PRDM5: variants seen among roughly 807,000 people sequenced by gnomAD.
PRDM5 encodes PR domain zinc finger protein 5.
In PRDM5, 56 loss-of-function variants were observed where a neutral mutation model predicts 81.2. That is an observed-to-expected ratio of 0.69 (90% CI 0.56 to 0.86). The LOEUF (loss-of-function observed/expected upper bound fraction) is 0.86. Among genes scored for constraint, PRDM5 ranks in the 40% least tolerant of loss-of-function variants. PRDM5 has a pLI of 0.00. For synonymous variants in PRDM5, 267 were observed against 256.4 expected (o/e 1.04, Z -0.39); for missense variants, 697 against 770.1 (o/e 0.91, Z 1.12).
chr4:120,708,547 G>T, intron 15 of PRDM5, among the ~76,000 whole-genome samples: 1 of 152,016 alleles, frequency 6.6e-6, no homozygotes, highest in Non-Finnish European at 1.5e-5. Flanking sequence ...AAAATATTTT[G>T]GAGTTAGAGA....
intron 7 of PRDM5, among the ~76,000 whole-genome samples, chr4:120,812,357 C>T (rs1240843447): frequency 6.6e-6 from 1 of 152,054 alleles, no homozygotes; most frequent in South Asian, 2.1e-4. Flanking sequence ...CATACCATTA[C>T]CCAAAGAGGC....
chr4:120,841,725 C>T (rs767968442), intron 3 of PRDM5, among the ~76,000 whole-genome samples: 3 of 152,154 alleles, frequency 2.0e-5, no homozygotes, highest in South Asian at 2.1e-4. Flanking sequence ...CACACACCCA[C>T]GCACTCACAC....
Position 120,703,502 on chromosome 4 carries a change from T to G in PRDM5, c.1728+6807A>C, listed in dbSNP as rs78987478. Among the ~76,000 whole-genome samples, 13 of 152,198 alleles carry G rather than the reference T, an allele frequency of 8.5e-5. No homozygotes were observed. In the East Asian group the frequency reaches 1.9e-3, roughly 23 times the overall value. On this transcript the variant is annotated intron_variant, in intron 15 of 15. Transcript: ENST00000264808. The stretch of plus-strand genomic sequence containing the variant: ...ACCATGCCTGGTCTCATGTATTTGT[T>G]TAATGCTATACTCTACAAGAATGTG...
chr4:120,698,098 A>G (rs11731617), intron 15 of PRDM5, among the ~76,000 whole-genome samples: 24,078 of 152,144 alleles, frequency 0.16, 2,432 homozygotes, highest in Non-Finnish European at 0.24. Flanking sequence ...CATTTTTATA[A>G]CCAGAAAGCA....
chr4:120,880,401 T>C (rs1458265418), intron 2 of PRDM5, among the ~76,000 whole-genome samples: 1 of 152,176 alleles, frequency 6.6e-6, no homozygotes, highest in Non-Finnish European at 1.5e-5. Flanking sequence ...CCAACAGACA[T>C]ATAATGTAAA....
chr4:120,779,007 T>C (rs1384432975), intron 12 of PRDM5, among the ~76,000 whole-genome samples: 4 of 152,262 alleles, frequency 2.6e-5, no homozygotes, highest in East Asian at 3.9e-4. Context: ...CACTGAATTA[T>C]TCCAAACAGA....
At chr4:120,790,411 A>C (rs1750396411) in intron 10 of PRDM5, among the ~76,000 whole-genome samples, 2 of 152,146 alleles carry the variant, frequency 1.3e-5, no homozygotes, top group Non-Finnish European at 1.5e-5. Context: ...GTACAGGAGA[A>C]TTTTCTGCAT....
chr4:120,862,644 T>C (rs546631096), intron 2 of PRDM5, among the ~76,000 whole-genome samples: 93 of 152,318 alleles, frequency 6.1e-4, no homozygotes, highest in African/African-American at 2.1e-3. Flanking sequence ...TCCCTGTCAA[T>C]AGTTAACATA....
At chr4:120,774,254 T>G (rs1440731374) in intron 13 of PRDM5, among the ~76,000 whole-genome samples, 1 of 152,196 alleles carries the variant, frequency 6.6e-6, no homozygotes, top group African/African-American at 2.4e-5. Context: ...GCCACTTCAT[T>G]GTGTCCTCCC....
At chr4:120,902,105 A>G (rs1765291103) in intron 2 of PRDM5, among the ~76,000 whole-genome samples, 1 of 152,222 alleles carries the variant, frequency 6.6e-6, no homozygotes, top group African/African-American at 2.4e-5. Flanking sequence ...CCAGAGAATC[A>G]CTTTTGAAAT....
chr4:120,797,639 G>A (rs1283440228), intron 10 of PRDM5, among the ~76,000 whole-genome samples: 1 of 152,184 alleles, frequency 6.6e-6, no homozygotes, highest in Non-Finnish European at 1.5e-5. Flanking sequence ...GCTATCTTGG[G>A]CAAAGAGAAT....
intron 13 of PRDM5, among the ~76,000 whole-genome samples, chr4:120,755,854 C>T (rs76491002): frequency 0.018 from 2,765 of 152,224 alleles, 35 homozygotes; most frequent in Middle Eastern, 0.031. Flanking sequence ...CCCTGCCAAG[C>T]GACATTTTCC....
rs1734186083 is a variant in PRDM5 at position 120,693,166 on chromosome 4, C to T, written c.*1945G>A. 1 of 151,966 alleles carries T rather than the reference C, an allele frequency of 6.6e-6. No homozygotes were observed. The highest frequency in any genetic ancestry group is 2.1e-4 in the South Asian group (1 of 4,810). The allele number at this position is 151,966 out of a possible 1,614,324, so 9.4% of individuals were successfully genotyped here. Reference sequence around the variant, plus strand: ...ACACCACAGTTTTCAGGGTAATTTCCCCAGCAGCCATGTGAACTGTGACTC... The same window carrying T: ...ACACCACAGTTTTCAGGGTAATTTCTCCAGCAGCCATGTGAACTGTGACTC... On this transcript the variant is annotated 3_prime_UTR_variant, in exon 16 of 16. Coordinates refer to ENST00000264808, the MANE Select transcript of PRDM5 (RefSeq NM_018699.4).
At chr4:120,703,180 T>C (rs2149005632) in intron 15 of PRDM5, among the ~76,000 whole-genome samples, 1 of 152,246 alleles carries the variant, frequency 6.6e-6, no homozygotes, top group South Asian at 2.1e-4. Flanking sequence ...ATTTTGTTTT[T>C]TGTTTTGTTT....
At chr4:120,772,049 C>A (rs374619045) in intron 13 of PRDM5, among the ~76,000 whole-genome samples, 5 of 152,072 alleles carry the variant, frequency 3.3e-5, no homozygotes, top group East Asian at 1.9e-4. Context: ...TGGCAGGGGG[C>A]TAGGGTTTGA....
chr4:120,777,821 A>G (rs559952089), intron 12 of PRDM5, among the ~76,000 whole-genome samples: 159 of 152,278 alleles, frequency 1.0e-3, no homozygotes, highest in African/African-American at 3.6e-3. Context: ...TCAATTTGAA[A>G]GCATATTTCT....
Position 120,710,395 on chromosome 4 carries a change from A to G in PRDM5, c.1642T>C (p.Ser548Pro), listed in dbSNP as rs756867680. The G allele has an allele frequency of 6.2e-7, 1 of 1,614,086 alleles. No homozygotes were observed. The highest frequency in any genetic ancestry group is 8.5e-7 in the Non-Finnish European group (1 of 1,180,020). The part of the protein sequence containing the change: ...THTREKPYKC[S>P]ECSKAFSQKR... ...TGGCTGAAGGCCTTGCTGCACTCTG[A>G]GCACTTGTACGGCTTCTCCTGCAGT... is the stretch of plus-strand genomic sequence containing the variant. Residue 548 changes from serine (S) to proline (P), a missense_variant, in exon 15 of 16, where the codon TCA becomes CCA. Ser to Pro is a moderately conservative substitution (Grantham distance 74). Transcript: ENST00000264808.
Position 120,710,405 on chromosome 4 carries a change from C to T in PRDM5, c.1632G>A (p.Pro544=), listed in dbSNP as rs116026637. 967 of 1,613,916 alleles carry T rather than the reference C, an allele frequency of 6.0e-4. 6 individuals carry two copies. In the African/African-American group the frequency reaches 9.6e-3, roughly 16 times the overall value. ...MHIRTHTREK[P]YKCSECSKAF... Reference sequence around the variant, plus strand: ...CCTTGCTGCACTCTGAGCACTTGTACGGCTTCTCCTGCAGTCAACAAAAAG... The same window carrying T: ...CCTTGCTGCACTCTGAGCACTTGTATGGCTTCTCCTGCAGTCAACAAAAAG... The change falls in exon 15 of 16, where the codon CCG becomes CCA. Residue 544 remains proline, a synonymous_variant. Transcript: ENST00000264808.
chr4:120,818,951 C>G (rs1207862764), intron 4 of PRDM5, among the ~76,000 whole-genome samples: 1 of 152,074 alleles, frequency 6.6e-6, no homozygotes, highest in Non-Finnish European at 1.5e-5. Flanking sequence ...GAAAAAAGAC[C>G]AAGGTCATAA....
Sources: allele counts gnomAD v4.1 joint callset (sites outside exome capture counted in the v4.1 genomes callset), GRCh38; gene constraint gnomAD v4.1.1; transcripts MANE v1.5; gene names NCBI Gene and HGNC (gene_info 2026-07-23, HGNC 2026-07-21).